PYM1: variants seen among roughly 807,000 people sequenced by gnomAD.
The protein encoded by PYM1 is PYM1 exon junction complex associated factor.
A neutral mutation model predicts 20.7 loss-of-function variants in PYM1; 7 were observed. The observed-to-expected ratio is 0.34, with a 90% confidence interval of 0.19 to 0.64. The LOEUF is 0.64. Among genes scored for constraint, PYM1 ranks in the 30% least tolerant of loss-of-function variants. The pLI, the probability that PYM1 is intolerant of heterozygous loss-of-function variation, is 0.74. For synonymous variants in PYM1, 100 were observed against 99.2 expected (o/e 1.01, Z -0.05); for missense variants, 194 against 250.0 (o/e 0.78, Z 1.51).
chr12:55,903,031 C>T (rs759816031), intron 2 of PYM1, among the ~76,000 whole-genome samples: 69 of 151,932 alleles, frequency 4.5e-4, no homozygotes, highest in Admixed American at 3.9e-3. Context: ...AATCCACCTG[C>T]CTAGGCCTCC....
intron 2 of PYM1, among the ~76,000 whole-genome samples, chr12:55,902,949 A>G (rs981703910): frequency 1.3e-5 from 2 of 151,560 alleles, no homozygotes; most frequent in Admixed American, 1.3e-4. Context: ...TGTATTTTGT[A>G]ATTTTGTATT....
intron 1 of PYM1, among the ~76,000 whole-genome samples, chr12:55,916,358 G>A (rs1883007223): frequency 6.6e-6 from 1 of 151,880 alleles, no homozygotes. Context: ...ACATGGTCAA[G>A]ATCCCAAAGG....
At chr12:55,904,059 C>T (rs1882741200) in intron 1 of PYM1, among the ~76,000 whole-genome samples, 1 of 152,044 alleles carries the variant, frequency 6.6e-6, no homozygotes, top group African/African-American at 2.4e-5. Context: ...ACCTCCACCT[C>T]CCAGGTTAGG....
In PYM1 at chr12:55,915,031, C is replaced by G. The variant is rs1381493278; in HGVS notation, c.38-11551G>C. ...GAGATGGAGACCATCCTGGCTAACA[C>G]GATGAAACCCCATCTCCACTAAAAA... On this transcript the variant is annotated intron_variant, in intron 1 of 2. Coordinates refer to ENST00000408946, the MANE Select transcript of PYM1 (RefSeq NM_032345.3). Among the ~76,000 whole-genome samples, 4 of 151,510 alleles carry G rather than the reference C, an allele frequency of 2.6e-5. No homozygotes were observed. The East Asian group carries it at 7.8e-4, about 29-fold the overall frequency.
At chr12:55,909,947 C>T (rs986054809) in intron 1 of PYM1, among the ~76,000 whole-genome samples, 1 of 152,084 alleles carries the variant, frequency 6.6e-6, no homozygotes, top group African/African-American at 2.4e-5. Context: ...TGGCTGTAAT[C>T]CCAGCACTTT....
At chr12:55,910,181 C>T (rs1034761721) in intron 1 of PYM1, among the ~76,000 whole-genome samples, 1 of 151,572 alleles carries the variant, frequency 6.6e-6, no homozygotes, top group Non-Finnish European at 1.5e-5. Context: ...GTGACCATGG[C>T]CTCTGACACT....
chr12:55,927,183 G>A, intron 1 of PYM1: 1 of 1,547,752 alleles, frequency 6.5e-7, no homozygotes, highest in Non-Finnish European at 8.7e-7. Context: ...GTGGAGTCCC[G>A]ATCGTAGCAA....
At chr12:55,908,379 A>G (rs1036795267) in intron 1 of PYM1, among the ~76,000 whole-genome samples, 5 of 151,784 alleles carry the variant, frequency 3.3e-5, no homozygotes, top group Non-Finnish European at 7.4e-5. Context: ...CAGTGAGCCA[A>G]TATCGTGCTA....
intron 2 of PYM1, among the ~76,000 whole-genome samples, 161 bp downstream of exon 2, chr12:55,903,226 C>T (rs752519085): frequency 6.6e-6 from 1 of 152,156 alleles, no homozygotes; most frequent in Non-Finnish European, 1.5e-5. Flanking sequence ...CCTCACTCAT[C>T]CCTGAATCCC....
At chr12:55,921,048 T>C (rs1353055191) in intron 1 of PYM1, among the ~76,000 whole-genome samples, 1 of 152,198 alleles carries the variant, frequency 6.6e-6, no homozygotes, top group Non-Finnish European at 1.5e-5. Context: ...GCAGTGTATC[T>C]GTAGAAATGA....
intron 1 of PYM1, among the ~76,000 whole-genome samples, chr12:55,921,177 C>G (rs930994278): frequency 1.4e-4 from 22 of 152,194 alleles, no homozygotes; most frequent in African/African-American, 5.1e-4. Context: ...ATGCCTGGTA[C>G]TTGGCCATAT....
intron 1 of PYM1, chr12:55,926,944 G>A: frequency 1.0e-6 from 1 of 953,120 alleles, no homozygotes; most frequent in Non-Finnish European, 1.5e-6. Context: ...AGGAGAGAAT[G>A]AATGGGGAAG....
chr12:55,927,589 A>T (rs1459190662), intron 1 of PYM1, 136 bp downstream of exon 1: 7 of 1,141,128 alleles, frequency 6.1e-6, no homozygotes, highest in South Asian at 2.9e-5. Context: ...GTTTCTAGGG[A>T]CGGTTGGAGA....
intron 1 of PYM1, among the ~76,000 whole-genome samples, chr12:55,920,180 C>G (rs992633543): frequency 6.6e-6 from 1 of 150,730 alleles, no homozygotes; most frequent in African/African-American, 2.4e-5. Flanking sequence ...CTAACCTGGG[C>G]AACAGAGCAA....
chr12:55,902,419 A>G, intron 2 of PYM1, 64 bp from the exon 3 acceptor site: 1 of 1,529,908 alleles, frequency 6.5e-7, no homozygotes, highest in South Asian at 1.3e-5. Context: ...CCTTTTCTTA[A>G]ACTTCCAAAC....
intron 1 of PYM1, among the ~76,000 whole-genome samples, chr12:55,913,169 G>A (rs755619967): frequency 3.3e-5 from 5 of 152,232 alleles, no homozygotes; most frequent in Non-Finnish European, 5.9e-5. Flanking sequence ...CGCCAAGCCA[G>A]GTTAAAACTT....
At chr12:55,924,024 C>T (rs1330500296) in intron 1 of PYM1, among the ~76,000 whole-genome samples, 6 of 150,680 alleles carry the variant, frequency 4.0e-5, no homozygotes, top group Admixed American at 2.6e-4. Context: ...TGCAGTGAGC[C>T]GAGATCGCGC....
At chr12:55,924,772 G>C (rs1296176734) in intron 1 of PYM1, among the ~76,000 whole-genome samples, 1 of 152,224 alleles carries the variant, frequency 6.6e-6, no homozygotes, top group Non-Finnish European at 1.5e-5. Flanking sequence ...TGCCTCCTGG[G>C]TTCAAGCGAT....
chr12:55,908,790 T>G (rs543337176), intron 1 of PYM1, among the ~76,000 whole-genome samples: 2 of 152,044 alleles, frequency 1.3e-5, no homozygotes, highest in South Asian at 4.2e-4. Context: ...AGGCGGAGGC[T>G]GCAGTGAGCC....
Sources: allele counts gnomAD v4.1 joint callset (sites outside exome capture counted in the v4.1 genomes callset), GRCh38; gene constraint gnomAD v4.1.1; transcripts MANE v1.5; gene names NCBI Gene and HGNC (gene_info 2026-07-23, HGNC 2026-07-21).